The following IRS1 variants were observed in gnomAD, a reference collection of about 807,000 sequenced individuals.
IRS1 encodes the protein insulin receptor substrate 1.
IRS1 carries 34 observed loss-of-function variants against 65.6 expected under a neutral mutation model. The observed-to-expected ratio is 0.52, with a 90% confidence interval of 0.39 to 0.69. The LOEUF is 0.69. IRS1 is among the 30% of genes least tolerant of loss of function. The probability of loss-of-function intolerance (pLI) is 0.00; values close to 1 mark genes in which losing one functional copy is unlikely to be tolerated. For synonymous variants in IRS1, 699 were observed against 683.5 expected (o/e 1.02, Z -0.35); for missense variants, 1,641 against 1,720.2 (o/e 0.95, Z 0.81).
Position 226,799,702 on chromosome 2 carries a change from A to C in IRS1, c.-964T>G. 1.0e-6 allele frequency: 1 copy of C among 999,742 alleles called. No individual in the cohort carries two copies. The highest frequency in any genetic ancestry group is 1.2e-6 in the Non-Finnish European group (1 of 830,050). 61.9% of individuals were successfully genotyped at this position (999,742 alleles called of 1,614,324 possible). A position where few individuals can be genotyped will look rare whatever the true frequency, so the allele number is the denominator to read the frequency against. On this transcript the variant is annotated 5_prime_UTR_variant, in exon 1 of 2. Coordinates refer to ENST00000305123, the MANE Select transcript of IRS1 (RefSeq NM_005544.3). This position sits in a 1 kb window ranked among gnomAD's most constrained non-coding sequence, Gnocchi z 6.1. ...CCTCGGAGAGTTGCCGAGAGCCCCA[A>C]CCAAAACAAGCGGCGGCGTCTGGCT...
intron 1 of IRS1, among the ~76,000 whole-genome samples, chr2:226,772,440 T>G (rs746871134): frequency 5.3e-5 from 8 of 152,210 alleles, no homozygotes; most frequent in African/African-American, 9.7e-5. Context: ...TTGTCCATGA[T>G]GGTTCTATAC....
chr2:226,750,249 C>CAAAAAAAAAAAAAA (rs75785691), intron 1 of IRS1, among the ~76,000 whole-genome samples: 1 of 59,980 alleles, frequency 1.7e-5, no homozygotes, highest in Admixed American at 1.8e-4. Flanking sequence ...AACTCTGTCT[C>CAAAAAAAAAAAAAA]AAAAAAAAAA....
intron 1 of IRS1, among the ~76,000 whole-genome samples, chr2:226,766,152 TA>T (rs1287276998): frequency 8.2e-4 from 12 of 14,630 alleles, no homozygotes; most frequent in East Asian, 2.9e-3. Flanking sequence ...TATATATATA[TA>T]TATATATATA....
Position 226,798,657 on chromosome 2 carries a change from G to A in IRS1, c.82C>T (p.Arg28Cys). The change falls in exon 1 of 2, where the codon CGC becomes TGC. Residue 28 changes from arginine to cysteine, a missense_variant. By Grantham distance (180) the Arg-to-Cys change is radical (BLOSUM62 -3). Transcript: ENST00000305123. The surrounding 1 kb of genome is among the most constrained non-coding windows in gnomAD (Gnocchi z 9.4). The stretch of plus-strand genomic sequence containing the variant: ...CTGGCCGCGCGCAGTACGAAGAAGC[G>A]TTTGTGCATGCTCTTGGGTTTGCGC... Reference protein sequence around the residue: ...YLRKPKSMHKRFFVLRAASEA... With the variant: ...YLRKPKSMHKCFFVLRAASEA... The A allele has an allele frequency of 6.2e-7, 1 of 1,613,292 alleles. No homozygotes were observed. The highest frequency in any genetic ancestry group is 8.5e-7 in the Non-Finnish European group (1 of 1,179,838).
At chr2:226,752,655 C>G (rs987394015) in intron 1 of IRS1, among the ~76,000 whole-genome samples, 3 of 152,230 alleles carry the variant, frequency 2.0e-5, no homozygotes, top group Non-Finnish European at 4.4e-5. Flanking sequence ...ATTCACATAT[C>G]GTGTAATTCA....
intron 1 of IRS1, among the ~76,000 whole-genome samples, chr2:226,766,149 A>ATT (rs1559152030): frequency 1.3e-3 from 5 of 3,942 alleles, no homozygotes; most frequent in South Asian, 0.012. Flanking sequence ...ATATATATAT[A>ATT]TATATATATA....
At chr2:226,760,678 A>C (rs747616116) in intron 1 of IRS1, among the ~76,000 whole-genome samples, 13 of 152,338 alleles carry the variant, frequency 8.5e-5, no homozygotes, top group Non-Finnish European at 1.6e-4. Context: ...GCACGTATGA[A>C]GGCAACCACT....
At chr2:226,790,615 TG>T (rs1939571150) in intron 1 of IRS1, among the ~76,000 whole-genome samples, 1 of 152,148 alleles carries the variant, frequency 6.6e-6, no homozygotes, top group Non-Finnish European at 1.5e-5. Context: ...TTTCCACCTG[TG>T]ATGTTTCACT....
At chr2:226,745,004 T>C (rs1248702454) in intron 1 of IRS1, among the ~76,000 whole-genome samples, 1 of 152,124 alleles carries the variant, frequency 6.6e-6, no homozygotes, top group East Asian at 1.9e-4. Context: ...CAGCTGAAAC[T>C]GATTATAATA....
chr2:226,795,014 T>G lies in IRS1; in HGVS notation c.3725A>C (p.Gln1242Pro). The G allele has an allele frequency of 6.2e-7, 1 of 1,613,230 alleles. No individual in the cohort carries two copies. The change falls in exon 1 of 2, where the codon CAG (glutamine) becomes CCG (proline). Residue 1242 changes from glutamine (Q) to proline (P), a missense_variant. Gln to Pro is a moderately conservative substitution (Grantham distance 76, BLOSUM62 -1). Transcript: ENST00000305123. ...CTGCTGTGATGTCCAGTTGAGCTAC[T>G]GACGGTCCTCTGGCTGCTTCTGGAA... is the stretch of plus-strand genomic sequence containing the variant. ...ISFQKQPEDR[Q>P]
intron 1 of IRS1, among the ~76,000 whole-genome samples, chr2:226,749,791 T>C (rs2106161901): frequency 6.6e-6 from 1 of 152,206 alleles, no homozygotes; most frequent in East Asian, 1.9e-4. Context: ...GGATGAGTTA[T>C]TCCAGAGTTT....
intron 1 of IRS1, among the ~76,000 whole-genome samples, chr2:226,767,074 C>A (rs1939066549): frequency 6.6e-6 from 1 of 150,478 alleles, no homozygotes; most frequent in African/African-American, 2.4e-5. Context: ...CTGATTAGTG[C>A]CAAATGTTTC....
Position 226,796,703 on chromosome 2 carries a change from G to A in IRS1, c.2036C>T (p.Pro679Leu). 8.1e-6 allele frequency: 13 copies of A among 1,613,660 alleles called. No individual in the cohort carries two copies. Among genetic ancestry groups the A allele is most frequent in the Non-Finnish European group, 6.8e-6 (8 of 1,179,762 alleles). Residue 679 changes from proline to leucine, a missense_variant, in exon 1 of 2, where the codon CCC becomes CTC. Coordinates refer to ENST00000305123, the MANE Select transcript of IRS1 (RefSeq NM_005544.3). ...GTTGCTGCTGCTGCTGCTGCTGCTG[G>A]GGCCACCTCCAATGTCAGGAGAGCA... ...GGCSPDIGGG[P>L]SSSSSSSNAV...
At chr2:226,739,103 T>C (rs1249780046) in intron 1 of IRS1, among the ~76,000 whole-genome samples, 2 of 152,192 alleles carry the variant, frequency 1.3e-5, no homozygotes, top group East Asian at 3.9e-4. Flanking sequence ...TCTGTCATTA[T>C]CCACAAGTAT....
chr2:226,756,567 T>C (rs1458559167), intron 1 of IRS1, among the ~76,000 whole-genome samples: 3 of 152,218 alleles, frequency 2.0e-5, no homozygotes, highest in Non-Finnish European at 4.4e-5. Flanking sequence ...TCAATTATAA[T>C]ATGCTTATTG....
At chr2:226,758,521 T>C (rs1380867699) in intron 1 of IRS1, among the ~76,000 whole-genome samples, 1 of 152,178 alleles carries the variant, frequency 6.6e-6, no homozygotes, top group Non-Finnish European at 1.5e-5. Context: ...TGCCTAAATA[T>C]AAATATTTAG....
intron 1 of IRS1, among the ~76,000 whole-genome samples, chr2:226,773,352 T>C (rs918687851): frequency 2.0e-5 from 3 of 152,258 alleles, no homozygotes; most frequent in Middle Eastern, 3.4e-3. Flanking sequence ...AGTCAACAAG[T>C]ACAGACAGCC....
At chr2:226,755,372 A>G (rs1195959046) in intron 1 of IRS1, among the ~76,000 whole-genome samples, 2 of 152,346 alleles carry the variant, frequency 1.3e-5, no homozygotes, top group African/African-American at 2.4e-5. Context: ...TGAGAAGGGG[A>G]AAACAATGAC....
intron 1 of IRS1, among the ~76,000 whole-genome samples, chr2:226,741,824 CACAT>C (rs1309382083): frequency 4.6e-5 from 6 of 131,632 alleles, no homozygotes; most frequent in African/African-American, 1.7e-4. Context: ...CACACACACA[CACAT>C]AACACACACA....
Sources: gnomAD v4.1 joint callset for allele counts (sites outside exome capture counted in the v4.1 genomes callset) on GRCh38, gnomAD v4.1.1 for gene constraint, Gnocchi (gnomAD v3.1) non-coding constraint, MANE v1.5 for transcripts, NCBI Gene and HGNC (gene_info 2026-07-23, HGNC 2026-07-21) for gene names.